MAMLD1: variants seen among roughly 807,000 people sequenced by gnomAD.
MAMLD1 encodes mastermind like domain containing 1.
MAMLD1 carries 14 observed loss-of-function variants against 45.0 expected under a neutral mutation model. The observed-to-expected ratio is 0.31, with a 90% CI of 0.21 to 0.49. The LOEUF is 0.49. MAMLD1 is among the 20% of genes least tolerant of loss of function. MAMLD1 has a pLI of 0.99. For missense variants in MAMLD1, 543 were observed against 603.6 expected, an observed-to-expected ratio of 0.90 and a Z score of 1.05; for synonymous variants, 254 against 247.8, an observed-to-expected ratio of 1.02 and a Z score of -0.24.
chrX:150,362,108 C>T (rs1182645163), upstream of MAMLD1, among the ~76,000 whole-genome samples: 1 of 112,177 alleles, frequency 8.9e-6, no homozygotes, highest in Non-Finnish European at 1.9e-5. Flanking sequence ...CCTGAGAGCC[C>T]TGGTCCCCGC....
At chrX:150,365,003 C>T (rs1360538868) in intron 1 of MAMLD1, among the ~76,000 whole-genome samples, 1 of 112,171 alleles carries the variant, frequency 8.9e-6, no homozygotes, top group Non-Finnish European at 1.9e-5. Context: ...GTGCACCCGC[C>T]GGGGCTTCCC....
intron 2 of MAMLD1, among the ~76,000 whole-genome samples, chrX:150,462,447 G>A (rs2124631902): frequency 8.9e-6 from 1 of 111,754 alleles, no homozygotes; most frequent in South Asian, 3.8e-4. Flanking sequence ...AGCCTTTCTG[G>A]TGACTGGTGA....
At chrX:150,392,919 C>G (rs2033251434) in intron 1 of MAMLD1, among the ~76,000 whole-genome samples, 2 of 110,991 alleles carry the variant, frequency 1.8e-5, no homozygotes, top group East Asian at 5.7e-4. Flanking sequence ...ATCAGAATAA[C>G]ACATTTGCTA....
chrX:150,409,834 G>A (rs1557402776), intron 1 of MAMLD1, among the ~76,000 whole-genome samples: 2 of 112,673 alleles, frequency 1.8e-5, no homozygotes, highest in Admixed American at 1.9e-4. Context: ...CTGTCAAAAT[G>A]TACCTGTTTT....
chrX:150,372,328 T>A (rs2032058447), intron 1 of MAMLD1, among the ~76,000 whole-genome samples: 1 of 111,733 alleles, frequency 8.9e-6, no homozygotes, highest in African/African-American at 3.3e-5. Context: ...AGGGCTTGGC[T>A]GGGTGGGCTC....
chrX:150,507,520 C>A (rs782147107), intron 6 of MAMLD1, among the ~76,000 whole-genome samples: 19 of 111,908 alleles, frequency 1.7e-4, no homozygotes, highest in Non-Finnish European at 3.4e-4. Context: ...CTGGACACTG[C>A]CGTAAGGTGA....
intron 1 of MAMLD1, among the ~76,000 whole-genome samples, chrX:150,396,331 T>A: frequency 9.1e-6 from 1 of 109,427 alleles, no homozygotes; most frequent in Middle Eastern, 4.6e-3. Flanking sequence ...TTCAAAGCTA[T>A]AAATTTCTTC....
chrX:150,439,791 C>T (rs782616462), intron 1 of MAMLD1, among the ~76,000 whole-genome samples: 1 of 110,951 alleles, frequency 9.0e-6, no homozygotes, highest in Admixed American at 9.5e-5. Flanking sequence ...AAAAATTAGC[C>T]GGGCATGGTG....
intron 1 of MAMLD1, among the ~76,000 whole-genome samples, chrX:150,399,571 T>C (rs186323121): frequency 1.8e-5 from 2 of 110,863 alleles, no homozygotes; most frequent in East Asian, 2.8e-4. Context: ...AGAGGGAAAT[T>C]TGGAGACAGA....
chrX:150,371,157 C>T (rs1210661203), intron 1 of MAMLD1, among the ~76,000 whole-genome samples: 1 of 111,478 alleles, frequency 9.0e-6, no homozygotes, highest in Non-Finnish European at 1.9e-5. Flanking sequence ...TCTGCACAGC[C>T]CAGTTGGAGC....
At chrX:150,443,802 T>C (rs1309989000) in intron 1 of MAMLD1, among the ~76,000 whole-genome samples, 1 of 111,178 alleles carries the variant, frequency 9.0e-6, no homozygotes, top group African/African-American at 3.3e-5. Context: ...CCAAGCATGG[T>C]TGTAATTGTT....
At chrX:150,506,991 C>A (rs1396036955) in intron 6 of MAMLD1, among the ~76,000 whole-genome samples, 1 of 112,316 alleles carries the variant, frequency 8.9e-6, no homozygotes, top group African/African-American at 3.2e-5. Context: ...ACAGTGGGGG[C>A]TGGGAGGGGT....
At chrX:150,457,402 A>G (rs2035901823) in intron 2 of MAMLD1, among the ~76,000 whole-genome samples, 1 of 112,276 alleles carries the variant, frequency 8.9e-6, no homozygotes, top group African/African-American at 3.2e-5. Context: ...GGCTGTGAAA[A>G]ACAGTGTGGT....
chrX:150,387,980 T>C (rs1301838062), intron 1 of MAMLD1, among the ~76,000 whole-genome samples: 1 of 112,069 alleles, frequency 8.9e-6, no homozygotes, highest in East Asian at 2.8e-4. Flanking sequence ...AAGATATTTA[T>C]TTATAATTGT....
intron 1 of MAMLD1, among the ~76,000 whole-genome samples, chrX:150,432,745 G>A (rs2887352): frequency 0.038 from 4,214 of 111,254 alleles, 80 homozygotes; most frequent in Non-Finnish European, 0.059. Context: ...CATTATTTCC[G>A]GGCTCTCTAT....
intron 1 of MAMLD1, among the ~76,000 whole-genome samples, chrX:150,444,972 G>C (rs1418694549): frequency 9.0e-6 from 1 of 111,683 alleles, no homozygotes; most frequent in Non-Finnish European, 1.9e-5. Context: ...GTTGGTGGCT[G>C]CTTCTTCTAT....
chrX:150,512,211 A>C lies in MAMLD1; in HGVS notation c.*252A>C, dbSNP rs1557409160. 8.9e-7 allele frequency: 1 copy of C among 1,128,919 alleles called. No individual in the cohort carries two copies. Among genetic ancestry groups the C allele is most frequent in the Admixed American group, 2.7e-5 (1 of 36,953 alleles). The allele number at this position is 1,128,919 out of a possible 1,213,427, so 93.0% of individuals were successfully genotyped here. On this transcript the variant is annotated 3_prime_UTR_variant, in exon 8 of 8. Transcript: ENST00000370401. ...CAAGGAATTTTCACCTCCAGCCCCCAGTGTCCCATCCTCTCACACTCAGGC... is the reference window on the plus strand; with the variant it reads ...CAAGGAATTTTCACCTCCAGCCCCCCGTGTCCCATCCTCTCACACTCAGGC...
At chrX:150,415,016 G>A (rs1305840478) in intron 1 of MAMLD1, among the ~76,000 whole-genome samples, 1 of 111,612 alleles carries the variant, frequency 9.0e-6, no homozygotes, top group Non-Finnish European at 1.9e-5. Flanking sequence ...ATCTCCCTGG[G>A]CTGAGACTTG....
chrX:150,485,401 C>T (rs782250528), intron 5 of MAMLD1, among the ~76,000 whole-genome samples: 10 of 111,762 alleles, frequency 8.9e-5, no homozygotes, highest in Admixed American at 1.9e-4. Context: ...ACACCTTTTA[C>T]GGGCTTTTAA....
Sources: gnomAD v4.1 joint callset for allele counts (sites outside exome capture counted in the v4.1 genomes callset) on GRCh38, gnomAD v4.1.1 for gene constraint, MANE v1.5 for transcripts, NCBI Gene and HGNC (gene_info 2026-07-23, HGNC 2026-07-21) for gene names.